The following SEMA6D variants were observed in gnomAD, a reference collection of about 807,000 sequenced individuals.
The protein encoded by SEMA6D is semaphorin-6D.
A neutral mutation model predicts 106.6 loss-of-function variants in SEMA6D; 35 were observed. That is an observed-to-expected ratio of 0.33 (90% CI 0.25 to 0.44). The LOEUF (loss-of-function observed/expected upper bound fraction) is 0.44. Among genes scored for constraint, SEMA6D ranks in the 20% least tolerant of loss-of-function variants. SEMA6D has a pLI of 1.00. For missense variants in SEMA6D, 1,185 were observed against 1,345.9 expected (o/e 0.88, Z 1.87); for synonymous variants, 499 against 487.7 (o/e 1.02, Z -0.31).
chr15:47,551,862 T>C (rs28505872), intron 3 of SEMA6D, among the ~76,000 whole-genome samples: 65,703 of 151,954 alleles, frequency 0.43, 15,539 homozygotes, highest in Non-Finnish European at 0.53. Flanking sequence ...TGCTATGAAA[T>C]TGAAATACAC....
intron 2 of SEMA6D, among the ~76,000 whole-genome samples, chr15:47,444,817 T>A (rs185170636): frequency 6.6e-5 from 10 of 152,170 alleles, no homozygotes; most frequent in Admixed American, 1.3e-4. Context: ...TGTGTTACAG[T>A]GCACTCTTTT....
At chr15:47,463,878 G>A (rs113254403) in intron 2 of SEMA6D, among the ~76,000 whole-genome samples, 5 of 152,162 alleles carry the variant, frequency 3.3e-5, no homozygotes, top group African/African-American at 1.2e-4. Flanking sequence ...TCATACTTTG[G>A]CTTGTGGCTG....
In SEMA6D at chr15:47,770,562, T is replaced by G; in HGVS notation, c.1999T>G (p.Cys667Gly). 1 of 1,613,780 alleles carries G rather than the reference T, an allele frequency of 6.2e-7. No homozygotes were observed. Among genetic ancestry groups the G allele is most frequent in the Middle Eastern group, 1.7e-4 (1 of 6,056 alleles). Reference sequence around the variant, plus strand: ...GGTCCACATGAATGTCCTCATCACCTGTGTCTTTGCTGCTTTTGTTTTGGG... The same window carrying G: ...GGTCCACATGAATGTCCTCATCACCGGTGTCTTTGCTGCTTTTGTTTTGGG... ...QMVHMNVLIT[C>G]VFAAFVLGAF... is the part of the protein sequence containing the mutation. The change falls in exon 19 of 19, where the codon TGT (cysteine) becomes GGT (glycine). Residue 667 changes from cysteine to glycine, a missense_variant. By Grantham distance (159) the Cys-to-Gly change is radical. Transcript: ENST00000536845.
At chr15:47,758,450 G>A (rs1048570219) in intron 1 of SEMA6D, among the ~76,000 whole-genome samples, 2 of 151,980 alleles carry the variant, frequency 1.3e-5, no homozygotes, top group African/African-American at 4.8e-5. Flanking sequence ...GTTGAGGGGG[G>A]GGTGTTATTG....
intron 4 of SEMA6D, among the ~76,000 whole-genome samples, chr15:47,697,573 G>A (rs1309518946): frequency 6.6e-6 from 1 of 152,024 alleles, no homozygotes; most frequent in Non-Finnish European, 1.5e-5. Flanking sequence ...TTATTTTTAG[G>A]TAATAATTTA....
At chr15:47,664,454 G>A (rs148929321) in intron 4 of SEMA6D, among the ~76,000 whole-genome samples, 228 of 151,164 alleles carry the variant, frequency 1.5e-3, no homozygotes, top group Middle Eastern at 3.4e-3. Flanking sequence ...TATTTAGACC[G>A]GAAACCACAC....
At chr15:47,704,632 GC>G (rs1446678900) in intron 4 of SEMA6D, among the ~76,000 whole-genome samples, 3 of 151,990 alleles carry the variant, frequency 2.0e-5, no homozygotes, top group Non-Finnish European at 4.4e-5. Flanking sequence ...GACTGATTGA[GC>G]CCAGGAGCTC....
chr15:47,307,836 T>G (rs1056049093), intron 1 of SEMA6D, among the ~76,000 whole-genome samples: 6 of 152,236 alleles, frequency 3.9e-5, no homozygotes, highest in African/African-American at 1.4e-4. Flanking sequence ...ATAGTAATTA[T>G]GCTTCATTAC....
intron 1 of SEMA6D, among the ~76,000 whole-genome samples, chr15:47,268,657 C>G (rs2034428924): frequency 6.6e-6 from 1 of 152,180 alleles, no homozygotes; most frequent in Non-Finnish European, 1.5e-5. Context: ...AGCTTTCTCT[C>G]TTACATATTG....
chr15:47,374,744 A>G (rs1386563217), intron 1 of SEMA6D, among the ~76,000 whole-genome samples: 1 of 152,168 alleles, frequency 6.6e-6, no homozygotes, highest in Non-Finnish European at 1.5e-5. Flanking sequence ...ACAAAATACA[A>G]ATGTCTCCAT....
chr15:47,340,206 G>GTTA (rs2037755117), intron 1 of SEMA6D, among the ~76,000 whole-genome samples: 1 of 152,176 alleles, frequency 6.6e-6, no homozygotes, highest in Admixed American at 6.5e-5. Flanking sequence ...AGAGCTGAGT[G>GTTA]GGAGCCAGCT....
intron 1 of SEMA6D, among the ~76,000 whole-genome samples, chr15:47,230,917 C>A (rs1338653995): frequency 6.6e-6 from 1 of 151,984 alleles, no homozygotes; most frequent in African/African-American, 2.4e-5. Context: ...CTGAAATGAA[C>A]TTGATACAAA....
chr15:47,599,609 AAC>A (rs1283346488), intron 3 of SEMA6D, among the ~76,000 whole-genome samples: 1 of 152,272 alleles, frequency 6.6e-6, no homozygotes, highest in Non-Finnish European at 1.5e-5. Flanking sequence ...TACAACTGAA[AAC>A]ACAGCCATTT....
At chr15:47,314,597 C>CAAAAAAA (rs764929520) in intron 1 of SEMA6D, among the ~76,000 whole-genome samples, 9 of 24,302 alleles carry the variant, frequency 3.7e-4, no homozygotes, top group East Asian at 1.9e-3. Flanking sequence ...GACTCCATCT[C>CAAAAAAA]AAAAAAAAAA....
chr15:47,318,831 A>G (rs969102392), intron 1 of SEMA6D, among the ~76,000 whole-genome samples: 2 of 149,008 alleles, frequency 1.3e-5, no homozygotes, highest in African/African-American at 5.0e-5. Context: ...TAGATCCCTG[A>G]GGAATCGCCA....
chr15:47,474,034 G>A (rs905111103), intron 3 of SEMA6D, among the ~76,000 whole-genome samples: 1 of 152,124 alleles, frequency 6.6e-6, no homozygotes, highest in Admixed American at 6.5e-5. Flanking sequence ...TTCTGGCAAT[G>A]GTATAGGAAG....
intron 1 of SEMA6D, among the ~76,000 whole-genome samples, chr15:47,345,982 A>G (rs965104560): frequency 2.0e-5 from 3 of 152,176 alleles, no homozygotes; most frequent in Non-Finnish European, 4.4e-5. Flanking sequence ...TATGTCAATT[A>G]TACCTAAAAC....
chr15:47,562,080 T>G (rs1167055259), intron 3 of SEMA6D, among the ~76,000 whole-genome samples: 3 of 152,038 alleles, frequency 2.0e-5, no homozygotes, highest in African/African-American at 7.2e-5. Flanking sequence ...AGAGTTGATA[T>G]AGTCATAAAA....
At chr15:47,269,956 A>G (rs1048388435) in intron 1 of SEMA6D, among the ~76,000 whole-genome samples, 23 of 151,754 alleles carry the variant, frequency 1.5e-4, no homozygotes, top group African/African-American at 4.8e-4. Flanking sequence ...TGCAACTACA[A>G]GTCAGTTTGA....
Sources: gnomAD v4.1 joint callset for allele counts (sites outside exome capture counted in the v4.1 genomes callset) on GRCh38, gnomAD v4.1.1 for gene constraint, MANE v1.5 for transcripts, NCBI Gene and HGNC (gene_info 2026-07-23, HGNC 2026-07-21) for gene names.